The following CZIB variants were observed in gnomAD, a reference collection of about 807,000 sequenced individuals.
The protein encoded by CZIB is CXXC motif containing zinc binding protein, also known as UPF0587 protein C1orf123.
CZIB carries 26 observed loss-of-function variants against 28.3 expected under a neutral mutation model. That is an observed-to-expected ratio of 0.92 (90% confidence interval 0.67 to 1.27). The LOEUF (loss-of-function observed/expected upper bound fraction) is 1.27, where lower values mean the gene tolerates loss of function less well. Among genes scored for constraint, CZIB ranks in the 50% most tolerant of loss-of-function variants. CZIB has a pLI of 0.00. For missense variants in CZIB, 179 were observed against 197.3 expected, an observed-to-expected ratio of 0.91 and a Z score of 0.56; for synonymous variants, 78 against 71.1, an observed-to-expected ratio of 1.10 and a Z score of -0.49.
rs767565531 is a variant in CZIB, at chr1:53,218,461, G to A, written c.182C>T (p.Ala61Val). The A allele has an allele frequency of 3.7e-6, 6 of 1,614,088 alleles. No homozygotes were observed. Among genetic ancestry groups the A allele is most frequent in the South Asian group, 1.1e-5 (1 of 91,090 alleles). ...SVALKGGRGS[A>V]SMVQKCKLCA... is the part of the protein sequence containing the mutation. ...CAGCTTGCACTTCTGGACCATGGAA[G>A]CACTGCCACGGCCCCCCTTCAGTGC... Residue 61 changes from alanine to valine, a missense_variant, in exon 4 of 8, where the codon GCT becomes GTT. By Grantham distance (64) the Ala-to-Val change is moderately conservative. Coordinates refer to ENST00000294360, the MANE Select transcript of CZIB (RefSeq NM_017887.3).
In CZIB at chr1:53,216,007, A is replaced by G; in HGVS notation, c.389T>C (p.Ile130Thr). The G allele has an allele frequency of 6.2e-7, 1 of 1,614,082 alleles. No individual in the cohort carries two copies. The highest frequency in any genetic ancestry group is 1.6e-4 in the Middle Eastern group (1 of 6,062). ...GTCTCATACCTTCTCCTGCAGATTAATGTCACTGAAGGCTGTCCCTGACTC... is the reference window on the plus strand; with the variant it reads ...GTCTCATACCTTCTCCTGCAGATTAGTGTCACTGAAGGCTGTCCCTGACTC... ...GVESGTAFSD[I>T]NLQEKDWTDY... Residue 130 changes from isoleucine to threonine, a missense_variant, in exon 7 of 8, where the codon ATT (isoleucine) becomes ACT (threonine). Coordinates refer to ENST00000294360, the MANE Select transcript of CZIB (RefSeq NM_017887.3).
At chr1:53,218,246 C>T in intron 4 of CZIB, 43 bp from the exon 5 acceptor site, 1 of 1,611,416 alleles carries the variant, frequency 6.2e-7, no homozygotes, top group Non-Finnish European at 8.5e-7. Flanking sequence ...GAGTCCATAC[C>T]CTCGCCCCAG....
intron 5 of CZIB, chr1:53,217,096 CTGGA>C (rs1013260140): frequency 2.1e-6 from 1 of 479,570 alleles, no homozygotes; most frequent in African/African-American, 1.9e-5. Context: ...GTCAACCTGC[CTGGA>C]TGTAAGGTAA....
At position 53,214,499 on chromosome 1, in the gene CZIB, TG is replaced by T; in HGVS notation, c.*159del. On this transcript the variant is annotated 3_prime_UTR_variant, in exon 8 of 8. Coordinates refer to ENST00000294360, the MANE Select transcript of CZIB (RefSeq NM_017887.3). ...GCAGCGTGAACAGGGGCTTTATTGA[TG>T]GGGCTTGGGAAGCTGTAATAAAGTC... 1.6e-6 allele frequency: 1 copy of T among 608,618 alleles called. No individual in the cohort carries two copies. The highest frequency in any genetic ancestry group is 2.1e-5 in the South Asian group (1 of 48,190). 37.7% of individuals were successfully genotyped at this position (608,618 alleles called of 1,614,324 possible).
chr1:53,220,061 A>G, intron 2 of CZIB, 200 bp downstream of exon 2: 3 of 567,580 alleles, frequency 5.3e-6, no homozygotes, highest in Non-Finnish European at 9.2e-6. Context: ...GAAGAACTAC[A>G]AAATGAAGCT....
chr1:53,214,545 GT>G lies in CZIB; in HGVS notation c.*113del. 1.2e-6 allele frequency: 1 copy of G among 834,058 alleles called. No individual in the cohort carries two copies. The highest frequency in any genetic ancestry group is 1.6e-5 in the South Asian group (1 of 63,438). 51.7% of individuals were successfully genotyped at this position (834,058 alleles called of 1,614,324 possible). On this transcript the variant is annotated 3_prime_UTR_variant, in exon 8 of 8. Transcript: ENST00000294360. ...AAAGTCCAGCATGCAGATTGTGAAG[GT>G]TTCGTATAGCCACCAGGAGACAAGG...
At chr1:53,214,873 G>A in intron 7 of CZIB, 137 bp from the exon 8 acceptor site, 1 of 622,846 alleles carries the variant, frequency 1.6e-6, no homozygotes. Context: ...AACAGAGCCA[G>A]ATAGCTCAGG....
At chr1:53,216,360 T>A (rs932593060) in intron 6 of CZIB, among the ~76,000 whole-genome samples, 10 of 152,202 alleles carry the variant, frequency 6.6e-5, no homozygotes. Flanking sequence ...GGACCTTAGT[T>A]ATTGATAAAA....
At chr1:53,218,667 C>T in intron 3 of CZIB, 172 bp from the exon 4 acceptor site, 2 of 816,816 alleles carry the variant, frequency 2.4e-6, no homozygotes, top group Non-Finnish European at 1.9e-6. Context: ...AAGGGCTTCC[C>T]CTTGATTTTG....
intron 7 of CZIB, among the ~76,000 whole-genome samples, chr1:53,215,665 A>C (rs1219156000): frequency 6.6e-6 from 1 of 152,174 alleles, no homozygotes. Context: ...ACCAATCAAT[A>C]ATCTAGCTTT....
chr1:53,216,681 G>A (rs901651650), intron 6 of CZIB, 101 bp downstream of exon 6: 6 of 1,065,068 alleles, frequency 5.6e-6, no homozygotes, highest in Non-Finnish European at 8.6e-6. Context: ...CTAGAAAGGA[G>A]AATGTCTAGT....
At chr1:53,214,793 G>T in intron 7 of CZIB, 57 bp from the exon 8 acceptor site, 1 of 1,473,856 alleles carries the variant, frequency 6.8e-7, no homozygotes, top group Non-Finnish European at 9.4e-7. Flanking sequence ...CATGTGGAGA[G>T]CAGAAAACTG....
At chr1:53,219,628 T>A (rs1645505173) in intron 2 of CZIB, 1 of 152,576 alleles carries the variant, frequency 6.6e-6, no homozygotes, top group Admixed American at 6.5e-5. Context: ...TTCCGCTTCT[T>A]CAAGCCAAAG....
At chr1:53,215,308 C>A (rs1159442334) in intron 7 of CZIB, among the ~76,000 whole-genome samples, 1 of 152,138 alleles carries the variant, frequency 6.6e-6, no homozygotes, top group Non-Finnish European at 1.5e-5. Flanking sequence ...CCACTGCACT[C>A]CAGCCTGGGC....
At chr1:53,220,382 C>T (rs762563121) in intron 1 of CZIB, 38 bp from the exon 2 acceptor site, 3 of 1,602,908 alleles carry the variant, frequency 1.9e-6, no homozygotes, top group Non-Finnish European at 2.6e-6. Flanking sequence ...TCAGCCGTGC[C>T]TGCGCAGCCC....
chr1:53,220,445 C>A, intron 1 of CZIB, 101 bp from the exon 2 acceptor site: 1 of 1,567,488 alleles, frequency 6.4e-7, no homozygotes, highest in Non-Finnish European at 8.7e-7. Flanking sequence ...CAGGGAGACA[C>A]TCCTTCTGCC....
chr1:53,214,748 A>C lies in CZIB; in HGVS notation c.406-12T>G. 1 of 1,613,002 alleles carries C rather than the reference A, an allele frequency of 6.2e-7. No homozygotes were observed. Among genetic ancestry groups the C allele is most frequent in the Non-Finnish European group, 8.5e-7 (1 of 1,179,314 alleles). On this transcript the variant is annotated splice_polypyrimidine_tract_variant and intron_variant, in intron 7 of 7. Coordinates refer to ENST00000294360, the MANE Select transcript of CZIB (RefSeq NM_017887.3). ...TAGTCAGTCCAGTCCTGGGAAACAA[A>C]ATGGCATTGTTAGCCTCACAACGCA...
chr1:53,218,947 A>G, intron 2 of CZIB, 24 bp from the exon 3 acceptor site: 1 of 1,607,518 alleles, frequency 6.2e-7, no homozygotes, highest in Non-Finnish European at 8.5e-7. Context: ...GAATGTTAGT[A>G]AAGCAGCTGG....
chr1:53,218,827 TGTGA>T (rs1396372235), intron 3 of CZIB, 36 bp downstream of exon 3: 2 of 1,558,448 alleles, frequency 1.3e-6, no homozygotes. Flanking sequence ...TATGTGTGTT[TGTGA>T]GTGTTTATGT....
Sources: allele counts gnomAD v4.1 joint callset (sites outside exome capture counted in the v4.1 genomes callset), GRCh38; gene constraint gnomAD v4.1.1; transcripts MANE v1.5; gene names NCBI Gene and HGNC (gene_info 2026-07-23, HGNC 2026-07-21).